Variants in BLTP1 observed in about 807,000 individuals in gnomAD.
BLTP1 encodes bridge-like lipid transfer protein family member 1.
chr4:122,348,493 T>C, the BLTP1 span: 4 of 1,290,080 alleles, frequency 3.1e-6, no homozygotes, highest in Non-Finnish European at 4.2e-6. Flanking sequence ...ATTATAGCAA[T>C]AAAAATAGTT....
chr4:122,271,909 C>A, the BLTP1 span, among the ~76,000 whole-genome samples: 4 of 152,106 alleles, frequency 2.6e-5, no homozygotes, highest in Non-Finnish European at 4.4e-5. Flanking sequence ...CATTTCCCAA[C>A]CTTTTAAACT....
chr4:122,153,059 G>GCACT, the BLTP1 span: 1 of 983,748 alleles, frequency 1.0e-6, no homozygotes, highest in African/African-American at 1.7e-5. Context: ...GGTGCTTGCT[G>GCACT]CACTGCACTC....
the BLTP1 span, chr4:122,207,595 C>T: frequency 3.8e-5 from 60 of 1,585,316 alleles, no homozygotes; most frequent in East Asian, 7.0e-5. Flanking sequence ...TTGCCTTTTA[C>T]GGACTTTGTT....
chr4:122,262,148 TTGTGTGTGTGTGTGTGTG>T, the BLTP1 span, among the ~76,000 whole-genome samples: 7 of 133,516 alleles, frequency 5.2e-5, no homozygotes, highest in African/African-American at 1.3e-4. Flanking sequence ...TACAGATCCT[TTGTGTGTGTGTGTGTGTG>T]TGTGTGTGTG....
chr4:122,221,108 T>C, the BLTP1 span: 2 of 933,208 alleles, frequency 2.1e-6, no homozygotes, highest in Non-Finnish European at 2.6e-6. Flanking sequence ...GAAATATAAA[T>C]GGAACTTAAT....
chr4:122,257,943 T>C, the BLTP1 span, among the ~76,000 whole-genome samples: 2 of 152,200 alleles, frequency 1.3e-5, no homozygotes, highest in Non-Finnish European at 1.5e-5. Flanking sequence ...TAAACCTCTA[T>C]TTAAAACTTG....
the BLTP1 span, among the ~76,000 whole-genome samples, chr4:122,321,470 A>G: frequency 6.9e-6 from 1 of 145,462 alleles, no homozygotes; most frequent in Non-Finnish European, 1.5e-5. Flanking sequence ...ACATGTGCAC[A>G]TATACATGCG....
At chr4:122,263,713 G>A in the BLTP1 span, 2 of 618,708 alleles carry the variant, frequency 3.2e-6, no homozygotes, top group African/African-American at 3.7e-5. Context: ...GTTGAAATTG[G>A]TCCATTTATA....
the BLTP1 span, chr4:122,341,930 A>T: frequency 9.2e-6 from 5 of 542,066 alleles, no homozygotes; most frequent in Non-Finnish European, 1.2e-5. Flanking sequence ...AAATGCACGA[A>T]GAAGAAACAG....
chr4:122,231,701 T>C, the BLTP1 span: 1 of 973,002 alleles, frequency 1.0e-6, no homozygotes, highest in Non-Finnish European at 1.2e-6. Flanking sequence ...CATATAAAAC[T>C]CGAATCCCTC....
the BLTP1 span, among the ~76,000 whole-genome samples, chr4:122,293,410 G>A: frequency 2.6e-5 from 4 of 152,238 alleles, no homozygotes; most frequent in Non-Finnish European, 4.4e-5. Flanking sequence ...GCCCACCCAG[G>A]AGCAGCAAAA....
the BLTP1 span, chr4:122,289,058 T>C: frequency 3.8e-5 from 61 of 1,597,788 alleles, no homozygotes; most frequent in East Asian, 5.6e-4. Flanking sequence ...ATGTAATCAG[T>C]GTTAATCTAA....
the BLTP1 span, chr4:122,336,907 G>A: frequency 7.5e-5 from 120 of 1,607,314 alleles, no homozygotes; most frequent in South Asian, 5.2e-4. Flanking sequence ...TGAAGATATG[G>A]GACATTTTGA....
At chr4:122,190,097 G>A in the BLTP1 span, 2 of 1,611,458 alleles carry the variant, frequency 1.2e-6, no homozygotes, top group South Asian at 1.1e-5. Flanking sequence ...TGTTGTTGTT[G>A]TTGCTGTTTT....
At chr4:122,261,963 G>A in the BLTP1 span, 3 of 985,216 alleles carry the variant, frequency 3.0e-6, no homozygotes, top group Non-Finnish European at 3.6e-6. Flanking sequence ...CACAGCACTG[G>A]TATCCATTGC....
the BLTP1 span, among the ~76,000 whole-genome samples, chr4:122,166,720 T>C: frequency 6.6e-6 from 1 of 152,212 alleles, no homozygotes; most frequent in African/African-American, 2.4e-5. Context: ...GGAATGTTCT[T>C]CCATTTGTTT....
the BLTP1 span, chr4:122,324,585 T>C: frequency 8.3e-6 from 12 of 1,451,492 alleles, no homozygotes; most frequent in Admixed American, 1.9e-4. Context: ...TGTTGACTCT[T>C]TTACCAAGGT....
chr4:122,260,194 T>C, the BLTP1 span, among the ~76,000 whole-genome samples: 2 of 152,108 alleles, frequency 1.3e-5, no homozygotes, highest in Admixed American at 6.5e-5. Context: ...AGTGGGCAAT[T>C]GGAATGCAAT....
the BLTP1 span, among the ~76,000 whole-genome samples, chr4:122,181,089 T>A: frequency 6.6e-6 from 1 of 152,322 alleles, no homozygotes; most frequent in South Asian, 2.1e-4. Flanking sequence ...CAGTTTATTT[T>A]CCAAAAGACA....
Sources: allele counts gnomAD v4.1 joint callset (sites outside exome capture counted in the v4.1 genomes callset), GRCh38; gene constraint gnomAD v4.1.1; transcripts MANE v1.5; gene names NCBI Gene and HGNC (gene_info 2026-07-23, HGNC 2026-07-21).